Variants in PALS2 observed in about 807,000 individuals in gnomAD.
PALS2 encodes the protein protein PALS2.
PALS2 carries 27 observed loss-of-function variants against 61.6 expected under a neutral mutation model. The observed-to-expected ratio is 0.44, with a 90% CI of 0.32 to 0.60. The LOEUF (loss-of-function observed/expected upper bound fraction) is 0.60, where lower values mean the gene tolerates loss of function less well. Among genes scored for constraint, PALS2 ranks in the 20% least tolerant of loss-of-function variants. The pLI is 0.05. For missense variants in PALS2, 554 were observed against 639.4 expected (o/e 0.87, Z 1.44); for synonymous variants, 236 against 218.6 (o/e 1.08, Z -0.70).
At position 24,647,113 on chromosome 7, in the gene PALS2, TTTG is replaced by T. The variant is rs576530583; in HGVS notation, c.271-2481_271-2479del. Among the ~76,000 whole-genome samples, 817 of 151,790 alleles carry T rather than the reference TTTG, an allele frequency of 5.4e-3. 5 individuals are homozygous for T. Among genetic ancestry groups the T allele is most frequent in the Non-Finnish European group, 8.6e-3 (581 of 67,906 alleles). Reference sequence around the variant, plus strand: ...AAACCCAACTCCTGGATTCTGATTTTTTGTTGTTGTTGTTGTTGTTTTAATTTA... The same window carrying T: ...AAACCCAACTCCTGGATTCTGATTTTTTGTTGTTGTTGTTGTTTTAATTTA... On this transcript the variant is annotated intron_variant, in intron 3 of 11. Transcript: ENST00000222644.
At chr7:24,602,068 G>A (rs1239199713) in intron 1 of PALS2, among the ~76,000 whole-genome samples, 2 of 151,792 alleles carry the variant, frequency 1.3e-5, no homozygotes, top group African/African-American at 4.8e-5. Context: ...CCTCTAATCA[G>A]GTTCTCTAAT....
intron 1 of PALS2, among the ~76,000 whole-genome samples, chr7:24,617,833 C>G (rs186373213): frequency 1.3e-5 from 2 of 152,226 alleles, no homozygotes; most frequent in East Asian, 3.9e-4. Context: ...GTGGCATGGG[C>G]ACATGCCTGC....
chr7:24,613,921 TC>T (rs1190988661), intron 1 of PALS2, among the ~76,000 whole-genome samples: 1 of 151,990 alleles, frequency 6.6e-6, no homozygotes, highest in Non-Finnish European at 1.5e-5. Flanking sequence ...AGGATTTTAT[TC>T]CTTTTTATGG....
intron 2 of PALS2, among the ~76,000 whole-genome samples, chr7:24,639,339 C>G (rs62449810): frequency 0.075 from 11,463 of 152,084 alleles, 633 homozygotes; most frequent in Middle Eastern, 0.12. Context: ...ACGCAAATCA[C>G]TTCACCTTTT....
intron 1 of PALS2, among the ~76,000 whole-genome samples, chr7:24,609,712 T>A (rs1157183976): frequency 1.3e-5 from 2 of 152,114 alleles, no homozygotes; most frequent in Non-Finnish European, 2.9e-5. Context: ...TCTCTTTTTT[T>A]TCAGGCTCCC....
chr7:24,663,840 A>T, intron 6 of PALS2, 119 bp downstream of exon 6: 1 of 1,253,510 alleles, frequency 8.0e-7, no homozygotes, highest in Non-Finnish European at 1.1e-6. Flanking sequence ...TCCCACATGA[A>T]CAGCTCCTGC....
In PALS2 at chr7:24,631,528, C is replaced by G. The variant is rs554836102; in HGVS notation, c.117+7744C>G. On this transcript the variant is annotated intron_variant, in intron 2 of 11. Transcript: ENST00000222644. ...TGATAACAAAGGATTACAAATATTA[C>G]ATAAAGTTTAGGTGATAAAGCAGGA... Among the ~76,000 whole-genome samples the G allele has an allele frequency of 1.2e-4, 19 of 152,292 alleles. 1 individual carries two copies. In the South Asian group the frequency reaches 3.9e-3, roughly 32 times the overall value.
chr7:24,622,683 C>CTTTTTTTTTTT (rs70942815), intron 1 of PALS2, among the ~76,000 whole-genome samples: 6 of 135,702 alleles, frequency 4.4e-5, no homozygotes, highest in African/African-American at 1.6e-4. Flanking sequence ...TTTCTTTTTT[C>CTTTTTTTTTTT]TTTTTTTTTT....
At chr7:24,602,648 A>G (rs1224337499) in intron 1 of PALS2, among the ~76,000 whole-genome samples, 2 of 152,056 alleles carry the variant, frequency 1.3e-5, no homozygotes, top group Non-Finnish European at 2.9e-5. Flanking sequence ...ATATTATTTC[A>G]TTGTCTTTGG....
chr7:24,587,311 T>C, intron 1 of PALS2, among the ~76,000 whole-genome samples: 1 of 151,990 alleles, frequency 6.6e-6, no homozygotes, highest in Non-Finnish European at 1.5e-5. Flanking sequence ...TTTAAATTAT[T>C]AAATTATTAT....
At position 24,678,082 on chromosome 7, in the gene PALS2, A is replaced by T. The variant is rs142776157; in HGVS notation, c.1115-1049A>T. 2.2e-4 allele frequency among the ~76,000 whole-genome samples: 33 copies of T among 152,316 alleles called. No homozygotes were observed. In the East Asian group the frequency reaches 6.4e-3, roughly 29 times the overall value. ...AGCTAATAGAAACAGGATACTTCTTATATCCGATCCAGCAAAGCCCAGAGT... is the reference window on the plus strand; with the variant it reads ...AGCTAATAGAAACAGGATACTTCTTTTATCCGATCCAGCAAAGCCCAGAGT... On this transcript the variant is annotated intron_variant, in intron 9 of 11. Transcript: ENST00000222644.
intron 1 of PALS2, among the ~76,000 whole-genome samples, chr7:24,592,133 A>G (rs1484787547): frequency 6.6e-6 from 1 of 152,148 alleles, no homozygotes; most frequent in East Asian, 1.9e-4. Context: ...CTGCATATCC[A>G]CTAATGACCA....
intron 2 of PALS2, among the ~76,000 whole-genome samples, chr7:24,632,978 TACC>T (rs1785065331): frequency 6.6e-6 from 1 of 152,060 alleles, no homozygotes; most frequent in Non-Finnish European, 1.5e-5. Context: ...AATAACATCA[TACC>T]ACTTACAGTG....
chr7:24,590,375 C>T (rs1414878889), intron 1 of PALS2, among the ~76,000 whole-genome samples: 2 of 152,088 alleles, frequency 1.3e-5, no homozygotes, highest in Admixed American at 6.6e-5. Flanking sequence ...TTAGAGGACA[C>T]ATTCTTTCCA....
chr7:24,609,124 G>A (rs139020844), intron 1 of PALS2, among the ~76,000 whole-genome samples: 8 of 152,154 alleles, frequency 5.3e-5, no homozygotes, highest in Admixed American at 3.9e-4. Context: ...TAGTTTACCC[G>A]CTGTCACTGA....
chr7:24,658,512 G>T (rs1786540544), intron 5 of PALS2, among the ~76,000 whole-genome samples: 1 of 151,606 alleles, frequency 6.6e-6, no homozygotes, highest in African/African-American at 2.4e-5. Flanking sequence ...TTACCTTGTT[G>T]GGTGCTGGAT....
At chr7:24,680,632 G>C (rs1013744562) in intron 11 of PALS2, 112 bp downstream of exon 11, 3 of 1,337,332 alleles carry the variant, frequency 2.2e-6, no homozygotes, top group South Asian at 1.6e-5. Flanking sequence ...GTTTTGCTTT[G>C]TCACCCAGGC....
rs1241010741 is a variant in PALS2 at position 24,644,204 on chromosome 7, C to T, written c.270+2336C>T. ...TTGTTGTACATATTATTTTACCACA[C>T]GGATATTAAGCCCAGTACCCAATAG... is the stretch of plus-strand genomic sequence containing the variant. On this transcript the variant is annotated intron_variant, in intron 3 of 11. Transcript: ENST00000222644. Among the ~76,000 whole-genome samples, 8 of 150,786 alleles carry T rather than the reference C, an allele frequency of 5.3e-5. No individual in the cohort carries two copies. In the South Asian group the frequency reaches 6.3e-4, roughly 12 times the overall value.
chr7:24,587,886 G>A (rs1182428646), intron 1 of PALS2, among the ~76,000 whole-genome samples: 1 of 152,186 alleles, frequency 6.6e-6, no homozygotes, highest in Non-Finnish European at 1.5e-5. Context: ...GAGTGATTCT[G>A]ATGCCAGAAA....
Sources: gnomAD v4.1 joint callset for allele counts (sites outside exome capture counted in the v4.1 genomes callset) on GRCh38, gnomAD v4.1.1 for gene constraint, MANE v1.5 for transcripts, NCBI Gene and HGNC (gene_info 2026-07-23, HGNC 2026-07-21) for gene names.